Variants in GSE1 observed in about 807,000 individuals in gnomAD.
GSE1 encodes genetic suppressor element 1.
A neutral mutation model predicts 112.6 loss-of-function variants in GSE1; 32 were observed. The observed-to-expected ratio is 0.28, with a 90% CI of 0.21 to 0.38. The LOEUF (loss-of-function observed/expected upper bound fraction) is 0.38. GSE1 is among the 10% of genes least tolerant of loss of function. The pLI is 1.00. For synonymous variants in GSE1, 1,115 were observed against 735.6 expected, an observed-to-expected ratio of 1.52 and a Z score of -8.35; for missense variants, 2,348 against 1,699.2, an observed-to-expected ratio of 1.38 and a Z score of -6.71.
At chr16:85,636,313 A>C (rs1487536287) in intron 2 of GSE1, among the ~76,000 whole-genome samples, 7 of 152,138 alleles carry the variant, frequency 4.6e-5, no homozygotes, top group Non-Finnish European at 1.0e-4. Context: ...GGGAATGCCA[A>C]GGTTTGTGGG....
chr16:85,581,614 G>T (rs1173290910), intron 1 of GSE1, among the ~76,000 whole-genome samples: 2 of 152,146 alleles, frequency 1.3e-5, no homozygotes, highest in African/African-American at 4.8e-5. Flanking sequence ...GCGTCTCTGT[G>T]CATGCGCATG....
chr16:85,307,750 G>T (rs986127698), intron 1 of GSE1, among the ~76,000 whole-genome samples: 1 of 152,210 alleles, frequency 6.6e-6, no homozygotes, highest in Admixed American at 6.5e-5. Context: ...ATGCCCTGTG[G>T]TTCAAGGCCC....
intron 2 of GSE1, among the ~76,000 whole-genome samples, chr16:85,542,479 G>A (rs919539541): frequency 6.6e-6 from 1 of 152,210 alleles, no homozygotes. Flanking sequence ...CCTCCGCTGT[G>A]CAGAACTTAA....
chr16:85,312,372 C>T (rs189609229), intron 1 of GSE1, among the ~76,000 whole-genome samples: 83 of 152,346 alleles, frequency 5.4e-4, no homozygotes, highest in Non-Finnish European at 7.5e-4. Context: ...GCCGCCCTCC[C>T]TTCCAAGGCT....
At chr16:85,486,328 C>T (rs899702268) in intron 2 of GSE1, among the ~76,000 whole-genome samples, 4 of 152,218 alleles carry the variant, frequency 2.6e-5, no homozygotes, top group Non-Finnish European at 4.4e-5. Flanking sequence ...TGCTCTTGCA[C>T]GCATGTTGTC....
At position 85,412,582 on chromosome 16, in the gene GSE1, TCAC is replaced by T. The variant is rs2048593975; in HGVS notation, c.2464+54941_2464+54943del. The stretch of plus-strand genomic sequence containing the variant: ...CACTCAGGGCCCCCCTGGATAATCC[TCAC>T]CGTTACACTCAGGGCACCTGGATAA... On this transcript the variant is annotated intron_variant, in intron 2 of 2. Coordinates refer to the GSE1 transcript ENST00000637419. Among the ~76,000 whole-genome samples, 2 of 3,170 alleles carry T rather than the reference TCAC, an allele frequency of 6.3e-4. 1 individual carries two copies. The allele number at this position is 3,170 out of a possible 152,430, so 2.1% of individuals were successfully genotyped here.
upstream of GSE1, chr16:85,611,634 GC>G (rs1184122909): frequency 2.2e-5 from 7 of 317,030 alleles, no homozygotes; most frequent in Non-Finnish European, 3.2e-5. Flanking sequence ...GCCCGCGTGC[GC>G]CCCCACCTCC....
At chr16:85,623,785 C>G (rs2048889399) in intron 1 of GSE1, among the ~76,000 whole-genome samples, 1 of 152,206 alleles carries the variant, frequency 6.6e-6, no homozygotes, top group Admixed American at 6.5e-5. Flanking sequence ...CTTCGAAGGC[C>G]AGGTGGCCCT....
rs746152576 is a variant in GSE1, at chr16:85,657,555, C to G, written c.1591C>G (p.Arg531Gly). ...GCTGGAGCAGCACCTGGATATGGGC[C>G]GGCCCCCGGTGCCGGCGGAGGCAGA... ...QVLEQHLDMG[R>G]PPVPAEAEHR... is the part of the protein sequence containing the mutation. The change falls in exon 8 of 16, where the codon CGG (arginine) becomes GGG (glycine). Residue 531 changes from arginine (R) to glycine (G), a missense_variant. By Grantham distance (125) the Arg-to-Gly change is moderately radical. Transcript: ENST00000253458. 1.9e-6 allele frequency: 3 copies of G among 1,582,890 alleles called. No homozygotes were observed. The South Asian group carries it at 3.4e-5, about 18-fold the overall frequency.
At chr16:85,666,978 G>A (rs1438345279) in intron 13 of GSE1, among the ~76,000 whole-genome samples, 1 of 152,254 alleles carries the variant, frequency 6.6e-6, no homozygotes, top group Non-Finnish European at 1.5e-5. Flanking sequence ...TGTAGGCATT[G>A]TGTTAGGTAT....
chr16:85,514,799 C>T (rs1312112850), intron 2 of GSE1, among the ~76,000 whole-genome samples: 1 of 152,200 alleles, frequency 6.6e-6, no homozygotes, highest in African/African-American at 2.4e-5. Context: ...GGTTCCTGAG[C>T]CCCCAATAGC....
At chr16:85,260,322 T>TTTC (rs1907549513) in intron 1 of GSE1, among the ~76,000 whole-genome samples, 2 of 101,942 alleles carry the variant, frequency 2.0e-5, no homozygotes, top group Non-Finnish European at 4.2e-5. Context: ...TTCTTTTCTT[T>TTTC]TTTTTTTTTT....
rs566270198 is a variant in GSE1, at chr16:85,520,207, A to G, written c.2465-113707A>G. Among the ~76,000 whole-genome samples, 8 of 152,098 alleles carry G rather than the reference A, an allele frequency of 5.3e-5. No individual in the cohort carries two copies. The South Asian group carries it at 1.5e-3, about 28-fold the overall frequency. ...TGGTGCCCTCTCGCTGTATCCTCACATGGTGAAAGGGGGGACCCTTTAACA... is the reference window on the plus strand; with the variant it reads ...TGGTGCCCTCTCGCTGTATCCTCACGTGGTGAAAGGGGGGACCCTTTAACA... On this transcript the variant is annotated intron_variant, in intron 2 of 2. Coordinates refer to the GSE1 transcript ENST00000637419.
intron 2 of GSE1, among the ~76,000 whole-genome samples, chr16:85,383,092 A>T (rs578101839): frequency 2.0e-5 from 3 of 152,094 alleles, no homozygotes; most frequent in Admixed American, 6.5e-5. Flanking sequence ...GCCTTAGTGC[A>T]CAAGCATGCC....
chr16:85,483,397 C>T (rs2050741966), intron 2 of GSE1, among the ~76,000 whole-genome samples: 3 of 152,262 alleles, frequency 2.0e-5, no homozygotes, highest in South Asian at 4.1e-4. Context: ...AAGTCCCTCA[C>T]CCACTCTGTG....
intron 1 of GSE1, among the ~76,000 whole-genome samples, chr16:85,341,618 C>T (rs1359061553): frequency 6.6e-6 from 1 of 152,100 alleles, no homozygotes; most frequent in African/African-American, 2.4e-5. Context: ...GATCACACCA[C>T]TGCACTCCAG....
At chr16:85,244,629 C>T (rs1256518097) in intron 1 of GSE1, among the ~76,000 whole-genome samples, 4 of 152,090 alleles carry the variant, frequency 2.6e-5, no homozygotes, top group Admixed American at 6.5e-5. Context: ...GCAGGAGGAT[C>T]GCTTGAGCCC....
chr16:85,432,683 T>A (rs2049149874), intron 2 of GSE1, among the ~76,000 whole-genome samples: 1 of 152,200 alleles, frequency 6.6e-6, no homozygotes, highest in African/African-American at 2.4e-5. Flanking sequence ...CAGGCATTCT[T>A]GAGGGACCAC....
chr16:85,196,444 C>G (rs1313407285), intron 1 of GSE1, among the ~76,000 whole-genome samples: 2 of 152,100 alleles, frequency 1.3e-5, no homozygotes, highest in African/African-American at 4.8e-5. Flanking sequence ...CGTGTGCACT[C>G]CTGCGTCTTG....
Sources: gnomAD v4.1 joint callset for allele counts (sites outside exome capture counted in the v4.1 genomes callset) on GRCh38, gnomAD v4.1.1 for gene constraint, MANE v1.5 for transcripts, NCBI Gene and HGNC (gene_info 2026-07-23, HGNC 2026-07-21) for gene names.